KCNMB2: variants seen among roughly 807,000 people sequenced by gnomAD.
KCNMB2 encodes potassium calcium-activated channel subfamily M regulatory beta subunit 2, also known as calcium-activated potassium channel subunit beta-2.
A neutral mutation model predicts 24.5 loss-of-function variants in KCNMB2; 9 were observed. The ratio of observed to expected loss-of-function variants is 0.37; its 90% CI spans 0.22 to 0.64. KCNMB2 has a LOEUF of 0.64. Among genes scored for constraint, KCNMB2 ranks in the 30% least tolerant of loss-of-function variants. The probability of loss-of-function intolerance (pLI) is 0.63; values close to 1 mark genes in which losing one functional copy is unlikely to be tolerated. For missense variants in KCNMB2, 226 were observed against 284.3 expected (o/e 0.79, Z 1.47); for synonymous variants, 109 against 104.4 (o/e 1.04, Z -0.27).
intron 1 of KCNMB2, among the ~76,000 whole-genome samples, chr3:178,775,182 C>T (rs761920765): frequency 2.0e-5 from 3 of 152,170 alleles, no homozygotes; most frequent in African/African-American, 7.2e-5. Flanking sequence ...AAACTGTCTA[C>T]AGTCTACCAG....
chr3:178,820,869 A>C (rs1577213797), intron 2 of KCNMB2, among the ~76,000 whole-genome samples: 1 of 152,242 alleles, frequency 6.6e-6, no homozygotes, highest in African/African-American at 2.4e-5. Flanking sequence ...AATGTTCCCT[A>C]TATATAGTAA....
At chr3:178,717,890 C>CA (rs34476959) in intron 1 of KCNMB2, among the ~76,000 whole-genome samples, 25,553 of 134,404 alleles carry the variant, frequency 0.19, 2,564 homozygotes, top group African/African-American at 0.29. Context: ...ACTTTCTTTA[C>CA]AAAAAAAAAA....
chr3:178,812,846 G>A (rs2108456718), intron 2 of KCNMB2, among the ~76,000 whole-genome samples: 1 of 152,142 alleles, frequency 6.6e-6, no homozygotes, highest in East Asian at 1.9e-4. Flanking sequence ...ACAAATTTTA[G>A]CATTATGCCT....
intron 1 of KCNMB2, among the ~76,000 whole-genome samples, chr3:178,637,001 C>T (rs1324125304): frequency 6.6e-6 from 1 of 150,916 alleles, no homozygotes; most frequent in Non-Finnish European, 1.5e-5. Flanking sequence ...TGACTTCCAA[C>T]TCCATCCATA....
intron 1 of KCNMB2, among the ~76,000 whole-genome samples, chr3:178,607,334 G>A (rs759702154): frequency 2.0e-5 from 3 of 152,148 alleles, no homozygotes; most frequent in Non-Finnish European, 4.4e-5. Context: ...AATAAATTAA[G>A]AAATCAAAAG....
At chr3:178,725,037 C>G (rs1030395673) in intron 1 of KCNMB2, among the ~76,000 whole-genome samples, 2 of 151,814 alleles carry the variant, frequency 1.3e-5, no homozygotes, top group African/African-American at 4.8e-5. Context: ...ATACTTTTTT[C>G]AAAGTCTGTT....
chr3:178,639,488 A>G (rs1037950435), intron 1 of KCNMB2, among the ~76,000 whole-genome samples: 1 of 152,224 alleles, frequency 6.6e-6, no homozygotes, highest in Non-Finnish European at 1.5e-5. Flanking sequence ...CAAAGTATTT[A>G]ACCTCTCTGA....
At chr3:178,559,384 CT>C (rs1441571687) in intron 1 of KCNMB2, among the ~76,000 whole-genome samples, 1 of 151,798 alleles carries the variant, frequency 6.6e-6, no homozygotes, top group Non-Finnish European at 1.5e-5. Flanking sequence ...ATGATTTTTT[CT>C]CAGCCTTTCA....
At chr3:178,812,006 C>G (rs1160006526) in intron 2 of KCNMB2, among the ~76,000 whole-genome samples, 1 of 151,956 alleles carries the variant, frequency 6.6e-6, no homozygotes, top group Non-Finnish European at 1.5e-5. Flanking sequence ...AAATAATTTG[C>G]AATTATTTCA....
intron 1 of KCNMB2, among the ~76,000 whole-genome samples, chr3:178,579,126 A>C (rs980181013): frequency 5.9e-5 from 9 of 152,206 alleles, no homozygotes; most frequent in Non-Finnish European, 1.2e-4. Context: ...AATTGGAAGT[A>C]AAACACTCCT....
intron 1 of KCNMB2, among the ~76,000 whole-genome samples, chr3:178,654,611 G>A (rs1210102062): frequency 6.6e-6 from 1 of 152,116 alleles, no homozygotes; most frequent in Non-Finnish European, 1.5e-5. Flanking sequence ...ATCTCTTGAG[G>A]CATAGCCTTG....
chr3:178,552,736 T>C (rs1200403193), intron 1 of KCNMB2, among the ~76,000 whole-genome samples: 1 of 152,198 alleles, frequency 6.6e-6, no homozygotes, highest in Non-Finnish European at 1.5e-5. Flanking sequence ...CTCTAAATTA[T>C]AGGAATTCAA....
intron 4 of KCNMB2, among the ~76,000 whole-genome samples, chr3:178,842,316 A>C (rs1715454764): frequency 1.3e-5 from 2 of 152,192 alleles, no homozygotes; most frequent in South Asian, 4.2e-4. Flanking sequence ...TACCATACCT[A>C]GCTATGGCAA....
At chr3:178,681,303 C>G (rs545517888) in intron 1 of KCNMB2, among the ~76,000 whole-genome samples, 2 of 152,290 alleles carry the variant, frequency 1.3e-5, no homozygotes, top group Admixed American at 6.5e-5. Flanking sequence ...TTGTTGTAAG[C>G]AGTGAGAATT....
chr3:178,623,771 C>G (rs1719003419), intron 1 of KCNMB2, among the ~76,000 whole-genome samples: 1 of 152,122 alleles, frequency 6.6e-6, no homozygotes, highest in African/African-American at 2.4e-5. Flanking sequence ...CTGTAGATAT[C>G]TACAAATCCA....
At chr3:178,609,533 A>G (rs1488150638) in intron 1 of KCNMB2, among the ~76,000 whole-genome samples, 4 of 151,678 alleles carry the variant, frequency 2.6e-5, no homozygotes, top group East Asian at 1.9e-4. Flanking sequence ...CTTGTAGGGT[A>G]TTGTTCAAGA....
intron 1 of KCNMB2, among the ~76,000 whole-genome samples, chr3:178,696,952 G>T (rs13087280): frequency 2.6e-5 from 4 of 152,118 alleles, no homozygotes; most frequent in Admixed American, 2.6e-4. Flanking sequence ...GAATTTGATT[G>T]TGCTGTGGTC....
intron 1 of KCNMB2, among the ~76,000 whole-genome samples, chr3:178,718,678 C>T (rs1267025906): frequency 3.3e-5 from 5 of 152,148 alleles, no homozygotes; most frequent in African/African-American, 7.2e-5. Context: ...TGTGTTGAGT[C>T]GGGATAGAGC....
At chr3:178,614,796 G>A (rs1037523369) in intron 1 of KCNMB2, among the ~76,000 whole-genome samples, 13 of 152,180 alleles carry the variant, frequency 8.5e-5, no homozygotes, top group African/African-American at 2.9e-4. Context: ...TTCATTTGGT[G>A]AGTTCATGTT....
Sources: gnomAD v4.1 joint callset for allele counts (sites outside exome capture counted in the v4.1 genomes callset) on GRCh38, gnomAD v4.1.1 for gene constraint, MANE v1.5 for transcripts, NCBI Gene and HGNC (gene_info 2026-07-23, HGNC 2026-07-21) for gene names.